Variants in PCBP3 observed in about 807,000 individuals in gnomAD.
The protein encoded by PCBP3 is poly(rC)-binding protein 3.
PCBP3 carries 25 observed loss-of-function variants against 52.7 expected under a neutral mutation model. The observed-to-expected ratio is 0.47, with a 90% confidence interval of 0.35 to 0.66. PCBP3 has a LOEUF of 0.66. PCBP3 is among the 30% of genes least tolerant of loss of function. PCBP3 has a pLI of 0.01. For synonymous variants in PCBP3, 162 were observed against 183.0 expected (o/e 0.89, Z 0.93); for missense variants, 391 against 490.3 (o/e 0.80, Z 1.91).
chr21:45,683,401 G>A (rs796179913), intron 2 of PCBP3, among the ~76,000 whole-genome samples: 9 of 152,246 alleles, frequency 5.9e-5, no homozygotes, highest in African/African-American at 7.2e-5. Context: ...TAATCTTTAC[G>A]GAGGACTTAC....
chr21:45,815,006 G>GA (rs2092840584), intron 4 of PCBP3, among the ~76,000 whole-genome samples: 3 of 106,380 alleles, frequency 2.8e-5, no homozygotes, highest in African/African-American at 7.7e-5. Context: ...GTGAGTGAGT[G>GA]GTGAGTGATG....
At chr21:45,868,052 T>C (rs2094820732) in intron 5 of PCBP3, among the ~76,000 whole-genome samples, 1 of 152,270 alleles carries the variant, frequency 6.6e-6, no homozygotes, top group African/African-American at 2.4e-5. Context: ...GGAGGCGCAG[T>C]GGGCCCGTCC....
chr21:45,691,965 C>T (rs1165748765), intron 2 of PCBP3, among the ~76,000 whole-genome samples: 7 of 152,130 alleles, frequency 4.6e-5, no homozygotes, highest in African/African-American at 1.7e-4. Flanking sequence ...CCACGTTCTC[C>T]AGGTGTCTAG....
chr21:45,833,347 C>G (rs1299987586), intron 4 of PCBP3, among the ~76,000 whole-genome samples: 1 of 152,182 alleles, frequency 6.6e-6, no homozygotes, highest in Non-Finnish European at 1.5e-5. Context: ...AAGCCTGTGG[C>G]CCCCCAGGCA....
chr21:45,819,492 C>T (rs2093063412), intron 4 of PCBP3, among the ~76,000 whole-genome samples: 1 of 152,250 alleles, frequency 6.6e-6, no homozygotes, highest in South Asian at 2.1e-4. Flanking sequence ...GCAGAGACCA[C>T]ACCTGGCACG....
chr21:45,774,403 GAAAA>G (rs1243900973), intron 4 of PCBP3, among the ~76,000 whole-genome samples: 1 of 148,690 alleles, frequency 6.7e-6, no homozygotes, highest in Non-Finnish European at 1.5e-5. Context: ...AAAAAAAAAA[GAAAA>G]AAAAGTCTTT....
At chr21:45,673,876 G>C (rs1037514629) in intron 2 of PCBP3, 4 of 152,150 alleles carry the variant, frequency 2.6e-5, no homozygotes, top group African/African-American at 9.7e-5. Context: ...GTTTTACTTA[G>C]TTGGGTGCTC....
At chr21:45,848,679 T>C (rs2148158135) in intron 4 of PCBP3, among the ~76,000 whole-genome samples, 1 of 152,370 alleles carries the variant, frequency 6.6e-6, no homozygotes, top group African/African-American at 2.4e-5. Flanking sequence ...TTGTTTTAAC[T>C]GTACATTTGT....
chr21:45,814,656 AG>A (rs2092796616), intron 4 of PCBP3, among the ~76,000 whole-genome samples: 1 of 91,022 alleles, frequency 1.1e-5, no homozygotes, highest in African/African-American at 4.7e-5. Context: ...GTGGTGAGTG[AG>A]TGGTGAGTGA....
rs1029618543 is a variant in PCBP3, at chr21:45,840,216, G to T, written c.-125-9745G>T. Among the ~76,000 whole-genome samples the T allele has an allele frequency of 1.6e-4, 25 of 151,656 alleles. 1 individual carries two copies. Among genetic ancestry groups the T allele is most frequent in the Non-Finnish European group, 1.5e-5 (1 of 67,944 alleles). Reference sequence around the variant, plus strand: ...TCCTGTAATCCCAGCACTTTGGGAGGCCGAGGTGGGCAGATCACAAGGTCA... The same window carrying T: ...TCCTGTAATCCCAGCACTTTGGGAGTCCGAGGTGGGCAGATCACAAGGTCA... On this transcript the variant is annotated intron_variant, in intron 4 of 17. Coordinates refer to ENST00000681687, the MANE Select transcript of PCBP3 (RefSeq NM_001384156.1).
chr21:45,687,736 GT>G (rs965639154), intron 2 of PCBP3, among the ~76,000 whole-genome samples: 31 of 144,172 alleles, frequency 2.2e-4, no homozygotes, highest in Admixed American at 6.2e-4. Context: ...TTTCTTTTTT[GT>G]TTTTTTTTTT....
intron 4 of PCBP3, among the ~76,000 whole-genome samples, chr21:45,796,125 A>G (rs1309649027): frequency 1.3e-5 from 2 of 152,192 alleles, no homozygotes; most frequent in Non-Finnish European, 2.9e-5. Context: ...AGCATGTCCC[A>G]AAGGGAGGGT....
At chr21:45,797,577 ATTGT>A (rs1356795296) in intron 4 of PCBP3, among the ~76,000 whole-genome samples, 4 of 152,220 alleles carry the variant, frequency 2.6e-5, no homozygotes, top group Admixed American at 6.5e-5. Context: ...AGAGAGAGTG[ATTGT>A]GTGCATGGAT....
intron 4 of PCBP3, among the ~76,000 whole-genome samples, chr21:45,822,058 C>T (rs566172936): frequency 6.6e-6 from 1 of 152,330 alleles, no homozygotes; most frequent in African/African-American, 2.4e-5. Context: ...AGCTTGCTTC[C>T]CTGCTCACCC....
chr21:45,929,491 C>T (rs1603539106), intron 13 of PCBP3, among the ~76,000 whole-genome samples: 1 of 152,206 alleles, frequency 6.6e-6, no homozygotes, highest in East Asian at 1.9e-4. Context: ...CTGTGGATCC[C>T]ACAGGGGCTA....
chr21:45,929,592 C>T (rs906242576), intron 13 of PCBP3, among the ~76,000 whole-genome samples: 1 of 152,254 alleles, frequency 6.6e-6, no homozygotes, highest in Non-Finnish European at 1.5e-5. Context: ...CCAGACTCTC[C>T]ATGGCCCACT....
At chr21:45,646,083 T>TCTCTCTCTCTCTCTCTCTCTC in intron 1 of PCBP3, among the ~76,000 whole-genome samples, 1 of 99,612 alleles carries the variant, frequency 1.0e-5, no homozygotes, top group Non-Finnish European at 2.0e-5. Context: ...CTCTCTCTCT[T>TCTCTCTCTCTCTCTCTCTCTC]TCTCTCTCTC....
rs2095403788 is a variant in PCBP3, at chr21:45,881,468, A to G, written c.11-14740A>G. Among the ~76,000 whole-genome samples the G allele has an allele frequency of 2.0e-5, 3 of 152,126 alleles. No individual in the cohort carries two copies. In the South Asian group the frequency reaches 6.2e-4, roughly 32 times the overall value. On this transcript the variant is annotated intron_variant, in intron 5 of 17. Transcript: ENST00000681687. ...ACCACACCCAACTAATTTTTTCAAC[A>G]TTTTGTAGAGATGGGGTCTATTTTG...
chr21:45,672,141 TA>T (rs1189128335), intron 2 of PCBP3, among the ~76,000 whole-genome samples: 1 of 152,066 alleles, frequency 6.6e-6, no homozygotes, highest in Admixed American at 6.5e-5. Context: ...GGTGACTTTA[TA>T]AAAAGAGGAA....
Sources: allele counts gnomAD v4.1 joint callset (sites outside exome capture counted in the v4.1 genomes callset), GRCh38; gene constraint gnomAD v4.1.1; transcripts MANE v1.5; gene names NCBI Gene and HGNC (gene_info 2026-07-23, HGNC 2026-07-21).